Variants in CC2D2A observed in about 807,000 individuals in gnomAD.
CC2D2A encodes the protein coiled-coil and C2 domain-containing protein 2A.
In CC2D2A, 155 loss-of-function variants were observed where a neutral mutation model predicts 212.9. The observed-to-expected ratio is 0.73, with a 90% CI of 0.64 to 0.83. The LOEUF (loss-of-function observed/expected upper bound fraction) is 0.83, where lower values mean the gene tolerates loss of function less well. Ranked by LOEUF, CC2D2A falls within the 40% of genes least tolerant of loss-of-function variation. The pLI is 0.00. For synonymous variants in CC2D2A, 667 were observed against 686.5 expected, an observed-to-expected ratio of 0.97 and a Z score of 0.44; for missense variants, 1,856 against 1,956.2, an observed-to-expected ratio of 0.95 and a Z score of 0.97.
chr4:15,517,136 A>G (rs564298115), intron 11 of CC2D2A, among the ~76,000 whole-genome samples: 12 of 151,554 alleles, frequency 7.9e-5, no homozygotes, highest in Admixed American at 1.3e-4. Context: ...TTTAGTAGAG[A>G]TGGGGTTTCA....
chr4:15,533,403 A>G, intron 14 of CC2D2A, 70 bp downstream of exon 14: 1 of 1,167,758 alleles, frequency 8.6e-7, no homozygotes, highest in Non-Finnish European at 1.2e-6. Context: ...AAACATGGAT[A>G]CAGTTTTAAA....
chr4:15,550,834 C>T lies in CC2D2A; in HGVS notation c.2192C>T (p.Thr731Ile), dbSNP rs758339439. ...TTCTCTGGTTTTCAGGTCTATGAAA[C>T]TGTCGGACACAGTAGTCCCACCTTG... The part of the protein sequence containing the change: ...PESLTLQVYE[T>I]VGHSSPTLLA... Residue 731 changes from threonine to isoleucine, a missense_variant, in exon 18 of 37, where the codon ACT becomes ATT. By Grantham distance (89) the Thr-to-Ile change is moderately conservative. This residue lies in a region of CC2D2A where 1,512 missense variants were observed against 1,579.3 expected (regional missense o/e 0.96). Transcript: ENST00000424120. 21 of 1,563,190 alleles carry T rather than the reference C, an allele frequency of 1.3e-5. No homozygotes were observed. The Admixed American group carries it at 3.6e-4, about 27-fold the overall frequency.
chr4:15,526,385 G>A (rs916704848), intron 11 of CC2D2A, among the ~76,000 whole-genome samples: 1 of 152,160 alleles, frequency 6.6e-6, no homozygotes, highest in Non-Finnish European at 1.5e-5. Context: ...GTTCAAGGTA[G>A]AGCCAGGCCT....
intron 24 of CC2D2A, among the ~76,000 whole-genome samples, chr4:15,566,467 C>T (rs1343362371): frequency 6.6e-6 from 1 of 152,090 alleles, no homozygotes; most frequent in African/African-American, 2.4e-5. Context: ...GCAGGTCCCC[C>T]ATTCAGGCGC....
chr4:15,584,143 G>GA (rs199721735), intron 30 of CC2D2A, among the ~76,000 whole-genome samples: 1,709 of 148,458 alleles, frequency 0.012, 15 homozygotes, highest in Middle Eastern at 0.031. Context: ...CACAGAAATA[G>GA]AAAAAAAAAA....
intron 4 of CC2D2A, among the ~76,000 whole-genome samples, chr4:15,498,196 G>A (rs1715725064): frequency 6.6e-6 from 1 of 152,168 alleles, no homozygotes; most frequent in Non-Finnish European, 1.5e-5. Context: ...TAGGGAGCAA[G>A]AGCAACATTG....
At position 15,553,207 on chromosome 4, in the gene CC2D2A, G is replaced by A. The variant is rs1191203727; in HGVS notation, c.2388G>A (p.Met796Ile). 6.2e-7 allele frequency: 1 copy of A among 1,609,946 alleles called. No individual in the cohort carries two copies. Among genetic ancestry groups the A allele is most frequent in the African/African-American group, 1.3e-5 (1 of 74,700 alleles). Residue 796 changes from methionine to isoleucine, a missense_variant, in exon 19 of 37, where the codon ATG (methionine) becomes ATA (isoleucine). Coordinates refer to ENST00000424120, the MANE Select transcript of CC2D2A (RefSeq NM_001378615.1). ...ATGGCAGTAACCAGCTGACTCTGAT[G>A]ACCTCAGGGAAAGTGTCTCATAGTG... is the stretch of plus-strand genomic sequence containing the variant. ...EADGSNQLTL[M>I]TSGKVSHSVA...
chr4:15,523,828 T>G (rs894327681), intron 11 of CC2D2A, among the ~76,000 whole-genome samples: 1 of 152,240 alleles, frequency 6.6e-6, no homozygotes, highest in Admixed American at 6.5e-5. Context: ...TGTCCTTTGA[T>G]AGCCTAAGCT....
rs1715831711 is a variant in CC2D2A, at chr4:15,499,998, C to T, written c.248-2431C>T. Among the ~76,000 whole-genome samples, 7 of 151,644 alleles carry T rather than the reference C, an allele frequency of 4.6e-5. No individual in the cohort carries two copies. In the South Asian group the frequency reaches 1.5e-3, roughly 32 times the overall value. ...CATGTGTTATTTAATGACAGGGATACATTCTGAGAAACGCATAACTGAGTA... is the reference window on the plus strand; with the variant it reads ...CATGTGTTATTTAATGACAGGGATATATTCTGAGAAACGCATAACTGAGTA... On this transcript the variant is annotated intron_variant, in intron 4 of 36. Transcript: ENST00000424120.
At chr4:15,556,614 C>T (rs1021327903) in intron 20 of CC2D2A, among the ~76,000 whole-genome samples, 1 of 152,200 alleles carries the variant, frequency 6.6e-6, no homozygotes, top group African/African-American at 2.4e-5. Flanking sequence ...GGCCCCAGCA[C>T]ATCTTGGGGC....
chr4:15,565,531 T>C (rs887625071), intron 24 of CC2D2A, among the ~76,000 whole-genome samples: 1 of 152,142 alleles, frequency 6.6e-6, no homozygotes. Context: ...CAGTGAAGTG[T>C]TATCTTCATC....
chr4:15,500,861 G>A (rs958192909), intron 4 of CC2D2A, among the ~76,000 whole-genome samples: 1 of 152,038 alleles, frequency 6.6e-6, no homozygotes, highest in Non-Finnish European at 1.5e-5. Flanking sequence ...CTCTCCTCAG[G>A]AAACTCCTTA....
intron 4 of CC2D2A, among the ~76,000 whole-genome samples, chr4:15,482,685 T>A (rs1714761294): frequency 6.6e-6 from 1 of 152,130 alleles, no homozygotes; most frequent in Non-Finnish European, 1.5e-5. Context: ...ACATACAGAT[T>A]TTCAGAGGGG....
At chr4:15,521,158 T>C (rs755818182) in intron 11 of CC2D2A, among the ~76,000 whole-genome samples, 23 of 152,090 alleles carry the variant, frequency 1.5e-4, no homozygotes, top group Non-Finnish European at 2.9e-4. Flanking sequence ...AGGGCTATGT[T>C]TTGAACACAA....
At chr4:15,576,023 G>A (rs760546223) in intron 29 of CC2D2A, among the ~76,000 whole-genome samples, 1 of 152,190 alleles carries the variant, frequency 6.6e-6, no homozygotes, top group Admixed American at 6.5e-5. Flanking sequence ...GGCCTCCAGG[G>A]CTCTGAACCA....
At position 15,533,186 on chromosome 4, in the gene CC2D2A, C is replaced by T. The variant is rs2109029775; in HGVS notation, c.1467-7C>T. 1 of 1,577,700 alleles carries T rather than the reference C, an allele frequency of 6.3e-7. No homozygotes were observed. Among genetic ancestry groups the T allele is most frequent in the Non-Finnish European group, 8.5e-7 (1 of 1,169,672 alleles). Reference sequence around the variant, plus strand: ...AATATATACTCATGTGTTATTATATCTTGCAGACAAACAAGAAAATTCCGT... The same window carrying T: ...AATATATACTCATGTGTTATTATATTTTGCAGACAAACAAGAAAATTCCGT... On this transcript the variant is annotated splice_region_variant and splice_polypyrimidine_tract_variant and intron_variant, in intron 13 of 36. Transcript: ENST00000424120.
chr4:15,554,031 CT>C (rs1274687602), intron 19 of CC2D2A, among the ~76,000 whole-genome samples: 2 of 152,180 alleles, frequency 1.3e-5, no homozygotes, highest in Non-Finnish European at 2.9e-5. Context: ...CAGAATTGGG[CT>C]CGTTTAGTTC....
chr4:15,470,984 C>T (rs1713776936), intron 1 of CC2D2A, among the ~76,000 whole-genome samples: 1 of 151,914 alleles, frequency 6.6e-6, no homozygotes, highest in African/African-American at 2.4e-5. Flanking sequence ...CTTAGCACAT[C>T]ATGTAAATGC....
intron 32 of CC2D2A, among the ~76,000 whole-genome samples, chr4:15,588,157 G>C (rs190666877): frequency 1.3e-5 from 2 of 152,078 alleles, no homozygotes; most frequent in African/African-American, 2.4e-5. Flanking sequence ...TGGCAAACCC[G>C]AACCCTTTAC....
Sources: allele counts gnomAD v4.1 joint callset (sites outside exome capture counted in the v4.1 genomes callset), GRCh38; gene constraint gnomAD v4.1.1; regional missense constraint gnomAD v4.1.1; transcripts MANE v1.5; gene names NCBI Gene and HGNC (gene_info 2026-07-23, HGNC 2026-07-21).